Variants in SMC5 observed in about 807,000 individuals in gnomAD.
SMC5 encodes structural maintenance of chromosomes 5.
In SMC5, 88 loss-of-function variants were observed where a neutral mutation model predicts 148.3. The ratio of observed to expected loss-of-function variants is 0.59; its 90% CI spans 0.50 to 0.71. SMC5 has a LOEUF of 0.71. SMC5 is among the 30% of genes least tolerant of loss of function. SMC5 has a pLI of 0.00. For missense variants in SMC5, 1,142 were observed against 1,298.9 expected (o/e 0.88, Z 1.86); for synonymous variants, 421 against 432.8 (o/e 0.97, Z 0.34).
chr9:70,272,418 G>A (rs1309828724), intron 3 of SMC5, among the ~76,000 whole-genome samples: 1 of 152,136 alleles, frequency 6.6e-6, no homozygotes, highest in East Asian at 1.9e-4. Context: ...GAGATGCCTA[G>A]TAGATACTCA....
At chr9:70,350,561 G>A in intron 24 of SMC5, 90 bp downstream of exon 24, 5 of 760,146 alleles carry the variant, frequency 6.6e-6, no homozygotes, top group Non-Finnish European at 1.0e-5. Context: ...GCACATATTA[G>A]CAGGAACACT....
intron 3 of SMC5, among the ~76,000 whole-genome samples, chr9:70,269,267 G>A (rs1221921006): frequency 6.6e-6 from 1 of 152,124 alleles, no homozygotes; most frequent in Non-Finnish European, 1.5e-5. Flanking sequence ...TACGTTCCTA[G>A]AAACATAAAG....
Position 70,286,181 on chromosome 9 carries a change from C to T in SMC5, c.982-19C>T. On this transcript the variant is annotated intron_variant, in intron 7 of 24. Coordinates refer to ENST00000361138, the MANE Select transcript of SMC5 (RefSeq NM_015110.4). ...TTTTTAACTAGCTGTCCCCCCCTCT[C>T]CCCGGTTTAATTTTACAGGCAACAG... The T allele has an allele frequency of 6.8e-7, 1 of 1,460,130 alleles. No individual in the cohort carries two copies. The highest frequency in any genetic ancestry group is 9.5e-7 in the Non-Finnish European group (1 of 1,050,044). 90.4% of individuals were successfully genotyped at this position (1,460,130 alleles called of 1,614,324 possible). A position where few individuals can be genotyped will look rare whatever the true frequency, so the allele number is the denominator to read the frequency against.
At chr9:70,283,519 G>A (rs1366492178) in intron 7 of SMC5, among the ~76,000 whole-genome samples, 1 of 152,092 alleles carries the variant, frequency 6.6e-6, no homozygotes. Context: ...AAGAATCTCT[G>A]ATATAAATTG....
intron 17 of SMC5, among the ~76,000 whole-genome samples, chr9:70,342,454 A>C (rs1029794520): frequency 6.6e-6 from 1 of 152,132 alleles, no homozygotes; most frequent in Non-Finnish European, 1.5e-5. Context: ...GATATTAATC[A>C]AGTAGATCTG....
intron 11 of SMC5, 77 bp downstream of exon 11, chr9:70,305,437 C>T: frequency 1.2e-6 from 1 of 829,496 alleles, no homozygotes; most frequent in Non-Finnish European, 2.0e-6. Context: ...TTCACTAGAG[C>T]AAAATGTGAT....
intron 11 of SMC5, among the ~76,000 whole-genome samples, 154 bp downstream of exon 11, chr9:70,305,514 A>G (rs2035473647): frequency 6.6e-6 from 1 of 152,156 alleles, no homozygotes. Context: ...TTTCCTATTT[A>G]TGGCATTGTG....
chr9:70,330,434 A>G (rs1014691747), intron 17 of SMC5, among the ~76,000 whole-genome samples: 1 of 152,206 alleles, frequency 6.6e-6, no homozygotes, highest in African/African-American at 2.4e-5. Flanking sequence ...AATATGTTAA[A>G]TAACACTGAG....
intron 11 of SMC5, among the ~76,000 whole-genome samples, chr9:70,307,710 A>G (rs1390828989): frequency 2.6e-5 from 4 of 151,670 alleles, no homozygotes; most frequent in African/African-American, 9.7e-5. Context: ...CACCATGTTG[A>G]CCAGGCTGCT....
At chr9:70,343,494 G>A (rs529729494) in intron 17 of SMC5, among the ~76,000 whole-genome samples, 15 of 152,226 alleles carry the variant, frequency 9.9e-5, no homozygotes, top group Admixed American at 9.2e-4. Context: ...TGAAGCCTGT[G>A]TACTGTGTAT....
chr9:70,348,092 G>T, intron 22 of SMC5, 54 bp downstream of exon 22: 1 of 1,342,744 alleles, frequency 7.4e-7, no homozygotes, highest in Non-Finnish European at 1.0e-6. Context: ...TTAATTATAT[G>T]CTTAAAGTAC....
chr9:70,283,713 G>A (rs1480407412), intron 7 of SMC5, among the ~76,000 whole-genome samples: 1 of 152,098 alleles, frequency 6.6e-6, no homozygotes, highest in Non-Finnish European at 1.5e-5. Context: ...GCCTGGCACT[G>A]CTATTGGGAA....
intron 17 of SMC5, among the ~76,000 whole-genome samples, chr9:70,337,349 A>T (rs1376898964): frequency 6.6e-6 from 1 of 152,176 alleles, no homozygotes; most frequent in African/African-American, 2.4e-5. Context: ...ATACTCTTCC[A>T]ATAGCCCTTA....
chr9:70,283,662 G>A (rs2034818056), intron 7 of SMC5, among the ~76,000 whole-genome samples: 1 of 152,118 alleles, frequency 6.6e-6, no homozygotes, highest in African/African-American at 2.4e-5. Context: ...TGGCCACTGT[G>A]CTTGAAGATG....
chr9:70,334,132 T>G (rs117985853), intron 17 of SMC5, among the ~76,000 whole-genome samples: 6,158 of 150,508 alleles, frequency 0.041, 149 homozygotes, highest in Non-Finnish European at 0.055. Context: ...TGTTGTTGTT[T>G]TTTTTTTTTT....
chr9:70,308,502 G>A (rs2035565731), intron 11 of SMC5, among the ~76,000 whole-genome samples: 1 of 143,816 alleles, frequency 7.0e-6, no homozygotes, highest in Admixed American at 7.6e-5. Flanking sequence ...GGCTGAGGCA[G>A]GAGAATGACA....
At chr9:70,295,160 T>C (rs1279784236) in intron 8 of SMC5, among the ~76,000 whole-genome samples, 1 of 151,924 alleles carries the variant, frequency 6.6e-6, no homozygotes, top group Admixed American at 6.6e-5. Context: ...AAGTTTCCAT[T>C]AGAACAAGAA....
chr9:70,306,693 G>A (rs1331647825), intron 11 of SMC5, among the ~76,000 whole-genome samples: 2 of 152,136 alleles, frequency 1.3e-5, no homozygotes, highest in African/African-American at 2.4e-5. Context: ...TTCTGCCTCT[G>A]CACTAAGGAT....
intron 16 of SMC5, 95 bp downstream of exon 16, chr9:70,323,701 G>A (rs2036006938): frequency 7.5e-7 from 1 of 1,341,736 alleles, no homozygotes. Context: ...TTTGATTAAG[G>A]TTTTTGACAT....
Sources: gnomAD v4.1 joint callset for allele counts (sites outside exome capture counted in the v4.1 genomes callset) on GRCh38, gnomAD v4.1.1 for gene constraint, MANE v1.5 for transcripts, NCBI Gene and HGNC (gene_info 2026-07-23, HGNC 2026-07-21) for gene names.